The following VPS13A variants were observed in gnomAD, a reference collection of about 807,000 sequenced individuals.
VPS13A encodes the protein vacuolar protein sorting 13 homolog A.
VPS13A carries 264 observed loss-of-function variants against 390.9 expected under a neutral mutation model. That is an observed-to-expected ratio of 0.68 (90% CI 0.61 to 0.75). VPS13A has a LOEUF of 0.75. VPS13A is among the 30% of genes least tolerant of loss of function. VPS13A has a pLI of 0.00. For synonymous variants in VPS13A, 1,231 were observed against 1,227.1 expected (o/e 1.00, Z -0.07); for missense variants, 3,409 against 3,733.9 (o/e 0.91, Z 2.27).
chr9:77,414,838 T>C (rs965026913), intron 71 of VPS13A, among the ~76,000 whole-genome samples: 2 of 151,990 alleles, frequency 1.3e-5, no homozygotes, highest in African/African-American at 4.8e-5. Context: ...TCAGAAGAGA[T>C]CCCTGGCCTC....
chr9:77,405,049 A>C (rs1452832217), intron 69 of VPS13A, among the ~76,000 whole-genome samples: 2 of 152,140 alleles, frequency 1.3e-5, no homozygotes, highest in East Asian at 3.9e-4. Context: ...TTGATGTTTC[A>C]ATCAGAAAGA....
In VPS13A at chr9:77,293,197, G is replaced by A. The variant is rs563953826; in HGVS notation, c.3340-144G>A. Reference sequence around the variant, plus strand: ...AGGTTCCAATAAACCAGTTACAGTAGAATTGTTGCCTCATTTGTACTTGGC... The same window carrying A: ...AGGTTCCAATAAACCAGTTACAGTAAAATTGTTGCCTCATTTGTACTTGGC... On this transcript the variant is annotated intron_variant, in intron 31 of 71. Transcript: ENST00000360280. The A allele has an allele frequency of 3.5e-4, 239 of 680,380 alleles. 2 individuals are homozygous for A. In the South Asian group the frequency reaches 5.0e-3, roughly 14 times the overall value. 42.1% of individuals were successfully genotyped at this position (680,380 alleles called of 1,614,324 possible).
chr9:77,298,104 A>G (rs1343715653), intron 33 of VPS13A, among the ~76,000 whole-genome samples: 1 of 152,198 alleles, frequency 6.6e-6, no homozygotes, highest in Non-Finnish European at 1.5e-5. Context: ...AGACAGAACA[A>G]TGCAGAAAAA....
intron 41 of VPS13A, 113 bp downstream of exon 41, chr9:77,318,704 TA>T (rs1373647038): frequency 7.2e-6 from 8 of 1,111,752 alleles, no homozygotes; most frequent in Non-Finnish European, 1.1e-5. Flanking sequence ...AAGCTTATTG[TA>T]AATATGATAT....
At chr9:77,225,290 G>A (rs1404057128) in intron 13 of VPS13A, among the ~76,000 whole-genome samples, 1 of 152,072 alleles carries the variant, frequency 6.6e-6, no homozygotes, top group East Asian at 1.9e-4. Flanking sequence ...TTTTTTTTGA[G>A]ACAGAGTCTT....
At chr9:77,380,782 T>A (rs1212078417) in intron 67 of VPS13A, among the ~76,000 whole-genome samples, 1 of 152,212 alleles carries the variant, frequency 6.6e-6, no homozygotes, top group Non-Finnish European at 1.5e-5. Flanking sequence ...CCACCTCAGA[T>A]CATCAGGCTT....
At position 77,239,056 on chromosome 9, in the gene VPS13A, A is replaced by G. The variant is rs544828202; in HGVS notation, c.1900+670A>G. ...TAATCCTTTACTTCAAATTTTTTGTATCCTTACTGGATTTTTTTTTTCCCC... is the reference window on the plus strand; with the variant it reads ...TAATCCTTTACTTCAAATTTTTTGTGTCCTTACTGGATTTTTTTTTTCCCC... On this transcript the variant is annotated intron_variant, in intron 19 of 71. Coordinates refer to ENST00000360280, the MANE Select transcript of VPS13A (RefSeq NM_033305.3). Among the ~76,000 whole-genome samples the G allele has an allele frequency of 3.9e-5, 6 of 151,992 alleles. No individual in the cohort carries two copies. The East Asian group carries it at 1.2e-3, about 29-fold the overall frequency.
intron 63 of VPS13A, 89 bp downstream of exon 63, chr9:77,369,501 T>C: frequency 4.4e-6 from 4 of 915,698 alleles, no homozygotes; most frequent in Non-Finnish European, 5.4e-6. Flanking sequence ...AGTTAATAAG[T>C]GCAAACAGAT....
chr9:77,357,953 T>A, intron 56 of VPS13A, 115 bp downstream of exon 56: 3 of 104,408 alleles, frequency 2.9e-5, no homozygotes, highest in Non-Finnish European at 4.7e-5. Context: ...TGTGCTAGCC[T>A]TTTTTTTTTT....
At position 77,226,564 on chromosome 9, in the gene VPS13A, T is replaced by G. The variant is rs1172117599; in HGVS notation, c.1323T>G (p.Asn441Lys). Reference sequence around the variant, plus strand: ...GGCTATGGTCTTGGTCAGAACAAAATACTAATGAACAGCAACCAGATGTTC... The same window carrying G: ...GGCTATGGTCTTGGTCAGAACAAAAGACTAATGAACAGCAACCAGATGTTC... ...FSWLWSWSEQ[N>K]TNEQQPDVQP... is the part of the protein sequence containing the mutation. The change falls in exon 15 of 72, where the codon AAT (asparagine) becomes AAG (lysine). Residue 441 changes from asparagine (N) to lysine (K), a missense_variant. By Grantham distance (94) the Asn-to-Lys change is moderately conservative. Transcript: ENST00000360280. 6.2e-7 allele frequency: 1 copy of G among 1,612,912 alleles called. No homozygotes were observed. Among genetic ancestry groups the G allele is most frequent in the Non-Finnish European group, 8.5e-7 (1 of 1,179,356 alleles).
At chr9:77,361,357 C>T (rs1832129787) in intron 59 of VPS13A, among the ~76,000 whole-genome samples, 2 of 152,072 alleles carry the variant, frequency 1.3e-5, no homozygotes, top group Admixed American at 1.3e-4. Context: ...TTGTGAAGGG[C>T]TTCTTTGACT....
intron 13 of VPS13A, 70 bp downstream of exon 13, chr9:77,221,426 T>TA: frequency 6.5e-7 from 1 of 1,528,566 alleles, no homozygotes; most frequent in South Asian, 1.1e-5. Flanking sequence ...CAGTGACTGA[T>TA]ACTCCCTACC....
intron 19 of VPS13A, among the ~76,000 whole-genome samples, chr9:77,244,430 T>C (rs1380878893): frequency 6.6e-6 from 1 of 152,160 alleles, no homozygotes; most frequent in Middle Eastern, 3.2e-3. Flanking sequence ...TAAAACTTTC[T>C]GGAAATCCAT....
At chr9:77,360,769 T>C (rs1289090264) in intron 59 of VPS13A, 128 bp downstream of exon 59, 1 of 714,080 alleles carries the variant, frequency 1.4e-6, no homozygotes, top group Admixed American at 2.5e-5. Context: ...ATTACTCTCT[T>C]GTGGTACATA....
In VPS13A at chr9:77,273,333, T is replaced by A. The variant is rs1264281501; in HGVS notation, c.2481T>A (p.Pro827=). 1.2e-6 allele frequency: 2 copies of A among 1,611,664 alleles called. No individual in the cohort carries two copies. Among genetic ancestry groups the A allele is most frequent in the Non-Finnish European group, 1.7e-6 (2 of 1,178,960 alleles). ...CACAGATTTCACAGAAAATAATTCC[T>A]CTCTTGGAACTTCCATCTGTTTCTG... is the stretch of plus-strand genomic sequence containing the variant. ...GTSQISQKII[P]LLELPSVSED... is the part of the protein sequence containing the mutation. The change falls in exon 24 of 72, where the codon CCT becomes CCA. Residue 827 remains proline, a synonymous_variant. Transcript: ENST00000360280.
At chr9:77,311,943 G>T (rs1431484094) in intron 35 of VPS13A, among the ~76,000 whole-genome samples, 1 of 152,128 alleles carries the variant, frequency 6.6e-6, no homozygotes, top group African/African-American at 2.4e-5. Context: ...GGGAAATTAA[G>T]AAGTTGTTTG....
intron 1 of VPS13A, chr9:77,178,186 G>T (rs1823765632): frequency 3.6e-6 from 1 of 280,736 alleles, no homozygotes; most frequent in Non-Finnish European, 6.9e-6. Context: ...GCCTTCCTGG[G>T]CTGGGTCCCA....
Position 77,357,738 on chromosome 9 carries a change from A to G in VPS13A, c.7853A>G (p.His2618Arg), listed in dbSNP as rs558287069. The G allele has an allele frequency of 5.0e-6, 8 of 1,614,000 alleles. No individual in the cohort carries two copies. The highest frequency in any genetic ancestry group is 2.2e-5 in the South Asian group (2 of 91,072). ...TGHNMKILQP[H>R]VIALRRNYLP... The stretch of plus-strand genomic sequence containing the variant: ...CATAACATGAAAATTCTGCAGCCGC[A>G]TGTAATAGCTCTACGAAGAAATTAT... Residue 2618 changes from histidine to arginine, a missense_variant, in exon 56 of 72, where the codon CAT becomes CGT. By Grantham distance (29) the His-to-Arg change is conservative. Coordinates refer to ENST00000360280, the MANE Select transcript of VPS13A (RefSeq NM_033305.3).
intron 17 of VPS13A, among the ~76,000 whole-genome samples, chr9:77,230,731 T>A (rs950509947): frequency 6.6e-6 from 1 of 152,112 alleles, no homozygotes; most frequent in Non-Finnish European, 1.5e-5. Context: ...AATTTTAAGA[T>A]TATGTTGTCC....
Sources: allele counts gnomAD v4.1 joint callset (sites outside exome capture counted in the v4.1 genomes callset), GRCh38; gene constraint gnomAD v4.1.1; transcripts MANE v1.5; gene names NCBI Gene and HGNC (gene_info 2026-07-23, HGNC 2026-07-21).